The following OPCML variants were observed in gnomAD, a reference collection of about 807,000 sequenced individuals.
OPCML encodes the protein opioid binding protein/cell adhesion molecule like, also known as opioid-binding protein/cell adhesion molecule.
In OPCML, 13 loss-of-function variants were observed where a neutral mutation model predicts 37.8. The observed-to-expected ratio is 0.34, with a 90% CI of 0.22 to 0.55. The LOEUF (loss-of-function observed/expected upper bound fraction) is 0.55, where lower values mean the gene tolerates loss of function less well. Among genes scored for constraint, OPCML ranks in the 20% least tolerant of loss-of-function variants. OPCML has a pLI of 0.91. For synonymous variants in OPCML, 176 were observed against 168.8 expected (o/e 1.04, Z -0.33); for missense variants, 341 against 435.6 (o/e 0.78, Z 1.93).
At chr11:132,796,340 G>T (rs962417126) in intron 2 of OPCML, among the ~76,000 whole-genome samples, 1 of 152,138 alleles carries the variant, frequency 6.6e-6, no homozygotes, top group African/African-American at 2.4e-5. Context: ...AACTAATGCT[G>T]CTGGGAACAT....
intron 4 of OPCML, among the ~76,000 whole-genome samples, chr11:132,516,306 C>T (rs1321314554): frequency 1.3e-5 from 2 of 152,140 alleles, no homozygotes; most frequent in Non-Finnish European, 2.9e-5. Flanking sequence ...ACTTGAAGTG[C>T]CTTCTCCAAA....
chr11:133,041,303 G>T (rs1947891665), intron 1 of OPCML, among the ~76,000 whole-genome samples: 1 of 152,208 alleles, frequency 6.6e-6, no homozygotes, highest in Non-Finnish European at 1.5e-5. Flanking sequence ...AGTGTTCAAT[G>T]TATCAGTAAA....
chr11:133,478,042 C>A (rs910938018), intron 1 of OPCML, among the ~76,000 whole-genome samples: 1 of 152,084 alleles, frequency 6.6e-6, no homozygotes, highest in Non-Finnish European at 1.5e-5. Flanking sequence ...TGCTGGCTTG[C>A]GACTAATTAA....
chr11:133,125,067 A>G (rs1949479845), intron 1 of OPCML, among the ~76,000 whole-genome samples: 2 of 152,138 alleles, frequency 1.3e-5, no homozygotes, highest in South Asian at 4.1e-4. Flanking sequence ...AACCGTTTGG[A>G]ATGGCGATTG....
intron 1 of OPCML, among the ~76,000 whole-genome samples, chr11:133,202,142 C>G (rs1260473343): frequency 6.6e-6 from 1 of 152,122 alleles, no homozygotes; most frequent in African/African-American, 2.4e-5. Context: ...GTGGAATAAT[C>G]AAGGAGGGGT....
intron 1 of OPCML, among the ~76,000 whole-genome samples, chr11:133,085,585 C>A (rs1565439914): frequency 1.3e-5 from 2 of 152,290 alleles, no homozygotes; most frequent in East Asian, 1.9e-4. Context: ...AGTGGTGTAG[C>A]CTGATGAATG....
intron 2 of OPCML, among the ~76,000 whole-genome samples, chr11:132,799,764 C>A (rs1470180018): frequency 6.6e-6 from 1 of 151,918 alleles, no homozygotes; most frequent in Middle Eastern, 3.2e-3. Flanking sequence ...CTGCAAAGCT[C>A]AGTAAAATGA....
At chr11:133,268,559 A>G (rs758958765) in intron 1 of OPCML, among the ~76,000 whole-genome samples, 2 of 152,234 alleles carry the variant, frequency 1.3e-5, no homozygotes, top group African/African-American at 2.4e-5. Flanking sequence ...ATCAGAGATA[A>G]TCAGAATACA....
At chr11:133,378,972 G>T (rs1425746312) in intron 1 of OPCML, among the ~76,000 whole-genome samples, 1 of 151,840 alleles carries the variant, frequency 6.6e-6, no homozygotes, top group African/African-American at 2.4e-5. Context: ...GCCCAGGCTG[G>T]TCCCAAACTC....
chr11:132,682,198 G>A (rs1942975880), intron 2 of OPCML, among the ~76,000 whole-genome samples: 1 of 152,148 alleles, frequency 6.6e-6, no homozygotes, highest in Non-Finnish European at 1.5e-5. Flanking sequence ...AAGAGGTTGA[G>A]AGCTATGGGC....
intron 1 of OPCML, among the ~76,000 whole-genome samples, chr11:133,169,202 G>A (rs1016882476): frequency 4.6e-5 from 7 of 152,128 alleles, no homozygotes; most frequent in Admixed American, 3.9e-4. Flanking sequence ...AGAAACTGGG[G>A]CACAGAGAGA....
intron 2 of OPCML, among the ~76,000 whole-genome samples, chr11:132,730,012 T>TTC (rs1407987002): frequency 2.3e-4 from 32 of 138,942 alleles, no homozygotes; most frequent in African/African-American, 7.7e-4. Flanking sequence ...ATGTGACTTT[T>TTC]TTTTTTTTTT....
chr11:133,442,281 G>T (rs1452262874), intron 1 of OPCML, among the ~76,000 whole-genome samples: 1 of 151,536 alleles, frequency 6.6e-6, no homozygotes, highest in South Asian at 2.1e-4. Context: ...CTTTTAAAAA[G>T]GTCAATAATA....
rs567289308 is a variant in OPCML, at chr11:133,110,131, A to G, written c.62-167121T>C. ...AAGCATATTTCAATCCAAAAAGTCCACTGTGGTAAGGTTGAACAACCCTGT... is the reference window on the plus strand; with the variant it reads ...AAGCATATTTCAATCCAAAAAGTCCGCTGTGGTAAGGTTGAACAACCCTGT... On this transcript the variant is annotated intron_variant, in intron 1 of 7. Coordinates refer to ENST00000524381, the MANE Select transcript of OPCML (RefSeq NM_001012393.5). 2.0e-5 allele frequency among the ~76,000 whole-genome samples: 3 copies of G among 152,318 alleles called. No homozygotes were observed. The South Asian group carries it at 6.2e-4, about 32-fold the overall frequency.
intron 2 of OPCML, among the ~76,000 whole-genome samples, chr11:132,759,026 G>A (rs1946166143): frequency 1.3e-5 from 2 of 152,076 alleles, no homozygotes; most frequent in Admixed American, 6.6e-5. Flanking sequence ...GTTGAATTTT[G>A]TCAAAGGCCT....
At chr11:133,116,358 GC>G (rs1949333398) in intron 1 of OPCML, among the ~76,000 whole-genome samples, 1 of 152,164 alleles carries the variant, frequency 6.6e-6, no homozygotes, top group African/African-American at 2.4e-5. Flanking sequence ...TAATTTCTAT[GC>G]AAATCAATTT....
At chr11:132,893,221 C>A (rs537908281) in intron 2 of OPCML, among the ~76,000 whole-genome samples, 1 of 152,244 alleles carries the variant, frequency 6.6e-6, no homozygotes, top group African/African-American at 2.4e-5. Context: ...AAGATCGTGC[C>A]GCTGCACTCC....
At chr11:132,635,521 T>C (rs1160598362) in intron 3 of OPCML, among the ~76,000 whole-genome samples, 1 of 150,584 alleles carries the variant, frequency 6.6e-6, no homozygotes, top group Non-Finnish European at 1.5e-5. Flanking sequence ...TGAAATGGAG[T>C]TTTATTCAAG....
chr11:133,109,125 G>C (rs139009173), intron 1 of OPCML, among the ~76,000 whole-genome samples: 1 of 152,272 alleles, frequency 6.6e-6, no homozygotes, highest in East Asian at 1.9e-4. Flanking sequence ...TGTGTTCTCT[G>C]GTTAGTTTTT....
Sources: allele counts gnomAD v4.1 joint callset (sites outside exome capture counted in the v4.1 genomes callset), GRCh38; gene constraint gnomAD v4.1.1; transcripts MANE v1.5; gene names NCBI Gene and HGNC (gene_info 2026-07-23, HGNC 2026-07-21).